Variants in PTPRM observed in about 807,000 individuals in gnomAD.
PTPRM encodes the protein receptor-type tyrosine-protein phosphatase mu.
A neutral mutation model predicts 186.7 loss-of-function variants in PTPRM; 47 were observed. The observed-to-expected ratio is 0.25, with a 90% confidence interval of 0.20 to 0.32. The LOEUF (loss-of-function observed/expected upper bound fraction) is 0.32. Ranked by LOEUF, PTPRM falls within the 10% of genes least tolerant of loss-of-function variation. The pLI, the probability that PTPRM is intolerant of heterozygous loss-of-function variation, is 1.00. For synonymous variants in PTPRM, 668 were observed against 674.9 expected, an observed-to-expected ratio of 0.99 and a Z score of 0.16; for missense variants, 1,494 against 1,865.0, an observed-to-expected ratio of 0.80 and a Z score of 3.66.
chr18:8,183,392 A>G (rs1395988771), intron 14 of PTPRM, among the ~76,000 whole-genome samples: 1 of 152,190 alleles, frequency 6.6e-6, no homozygotes, highest in South Asian at 2.1e-4. Context: ...GGAGAGACAA[A>G]AAAGAGGCAG....
intron 9 of PTPRM, among the ~76,000 whole-genome samples, chr18:8,081,389 A>T (rs1011923813): frequency 6.6e-6 from 1 of 152,208 alleles, no homozygotes; most frequent in African/African-American, 2.4e-5. Flanking sequence ...CTGCTGCAGC[A>T]ACGTTTTTTA....
intron 7 of PTPRM, among the ~76,000 whole-genome samples, chr18:8,045,327 G>A (rs1285046047): frequency 6.6e-6 from 1 of 152,214 alleles, no homozygotes; most frequent in Non-Finnish European, 1.5e-5. Context: ...CAGCCTGAGT[G>A]ACAATGTGAG....
intron 2 of PTPRM, among the ~76,000 whole-genome samples, chr18:7,873,125 G>A (rs751030060): frequency 6.6e-6 from 1 of 152,068 alleles, no homozygotes; most frequent in Non-Finnish European, 1.5e-5. Context: ...AGAAATAATA[G>A]AATTAGTTTT....
intron 23 of PTPRM, among the ~76,000 whole-genome samples, chr18:8,358,244 G>GACATGCAC (rs1555885323): frequency 1.2e-5 from 1 of 82,208 alleles, no homozygotes; most frequent in East Asian, 2.8e-4. Context: ...GTATGCACAT[G>GACATGCAC]ACACGCACAC....
intron 13 of PTPRM, among the ~76,000 whole-genome samples, chr18:8,136,521 A>T (rs1190184352): frequency 6.6e-6 from 1 of 150,764 alleles, no homozygotes; most frequent in Non-Finnish European, 1.5e-5. Flanking sequence ...ACAATCCATT[A>T]TCTCAGTCTT....
chr18:8,327,863 C>T (rs956629381), intron 22 of PTPRM, among the ~76,000 whole-genome samples: 14 of 152,188 alleles, frequency 9.2e-5, no homozygotes, highest in African/African-American at 3.1e-4. Flanking sequence ...TGTCCCCATA[C>T]ATATAATCAG....
Position 8,125,994 on chromosome 18 carries a change from TA to T in PTPRM, c.2167+11168del, listed in dbSNP as rs1568382924. Reference sequence around the variant, plus strand: ...GTGTATACATATATATATATATATATATATATATATATATATATATATATAT... The same window carrying T: ...GTGTATACATATATATATATATATATTATATATATATATATATATATATAT... On this transcript the variant is annotated intron_variant, in intron 13 of 32. Transcript: ENST00000580170. Among the ~76,000 whole-genome samples the T allele has an allele frequency of 5.4e-3, 63 of 11,654 alleles. 5 individuals are homozygous for T. Among genetic ancestry groups the T allele is most frequent in the African/African-American group, 9.8e-3 (61 of 6,254 alleles). 7.6% of individuals were successfully genotyped at this position (11,654 alleles called of 152,430 possible).
intron 11 of PTPRM, among the ~76,000 whole-genome samples, chr18:8,098,234 G>T (rs1351831992): frequency 6.6e-6 from 1 of 152,150 alleles, no homozygotes; most frequent in Non-Finnish European, 1.5e-5. Context: ...TTAATGTTGA[G>T]AGTGAGCATT....
intron 2 of PTPRM, among the ~76,000 whole-genome samples, chr18:7,804,306 C>G (rs1303897400): frequency 6.6e-6 from 1 of 152,096 alleles, no homozygotes. Flanking sequence ...CTCACTAGAC[C>G]ACCTTGAGTT....
chr18:8,345,337 AG>A (rs2095499543), intron 23 of PTPRM, among the ~76,000 whole-genome samples: 1 of 152,212 alleles, frequency 6.6e-6, no homozygotes, highest in Admixed American at 6.5e-5. Flanking sequence ...TTTTGTGAAA[AG>A]GTTAATAACA....
rs67536179 is a variant in PTPRM, at chr18:7,567,805, C to G, written c.-14C>G. 0.25 allele frequency: 380,850 copies of G among 1,532,950 alleles called. 62,890 individuals carry two copies. Among genetic ancestry groups the G allele is most frequent in the East Asian group, 0.7 (25,801 of 37,018 alleles). The allele number at this position is 1,532,950 out of a possible 1,614,324, so 95.0% of individuals were successfully genotyped here. A position where few individuals can be genotyped will look rare whatever the true frequency, so the allele number is the denominator to read the frequency against. On this transcript the variant is annotated 5_prime_UTR_variant, in exon 1 of 33. Transcript: ENST00000580170. The surrounding 1 kb of genome is among the most constrained non-coding windows in gnomAD (Gnocchi z 4.3). ...CACCGCCGCCGGGGAGCGGCCCGGC[C>G]CGCACTCAGCACCATGAGGGGACTT...
chr18:7,960,480 T>TATATATATATATAC (rs1300573371), intron 7 of PTPRM, among the ~76,000 whole-genome samples: 6 of 86,602 alleles, frequency 6.9e-5, no homozygotes, highest in African/African-American at 2.6e-4. Context: ...TATATATATA[T>TATATATATATATAC]ACACACACAC....
At chr18:7,992,401 GCTT>G in intron 7 of PTPRM, among the ~76,000 whole-genome samples, 1 of 152,258 alleles carries the variant, frequency 6.6e-6, no homozygotes, top group South Asian at 2.1e-4. Context: ...TTCACTCAGT[GCTT>G]CTTTGAGGTT....
intron 1 of PTPRM, among the ~76,000 whole-genome samples, chr18:7,659,357 A>G (rs2144364936): frequency 6.6e-6 from 1 of 152,288 alleles, no homozygotes; most frequent in East Asian, 1.9e-4. Context: ...ATAACTATCT[A>G]TTGAATAAGT....
In PTPRM at chr18:7,955,388, C is replaced by T; in HGVS notation, c.1106C>T (p.Ala369Val). Reference protein sequence around the residue: ...GEGGTGSPGPALRTRTKCADP... With the variant: ...GEGGTGSPGPVLRTRTKCADP... ...GGTGGCACTGGCTCTCCTGGTCCAG[C>T]TCTCAGGACAAGAACAAAGTGTGCT... The change falls in exon 7 of 33, where the codon GCT becomes GTT. Residue 369 changes from alanine (A) to valine (V), a missense_variant. This residue lies in a region of PTPRM where 91 missense variants were observed against 169.3 expected (regional missense o/e 0.54). Coordinates refer to ENST00000580170, the MANE Select transcript of PTPRM (RefSeq NM_001105244.2). 6.2e-7 allele frequency: 1 copy of T among 1,613,816 alleles called. No homozygotes were observed. Among genetic ancestry groups the T allele is most frequent in the Non-Finnish European group, 8.5e-7 (1 of 1,179,866 alleles).
chr18:8,283,852 C>A (rs879654383), intron 19 of PTPRM, among the ~76,000 whole-genome samples: 19 of 152,074 alleles, frequency 1.2e-4, no homozygotes, highest in Non-Finnish European at 2.5e-4. Flanking sequence ...TTCTCCTGGC[C>A]TCAAGCAAGG....
rs2147270562 is a variant in PTPRM, at chr18:7,968,359, A to T, written c.1132+12945A>T. Among the ~76,000 whole-genome samples, 2 of 148,056 alleles carry T rather than the reference A, an allele frequency of 1.4e-5. 1 individual carries two copies. The highest frequency in any genetic ancestry group is 4.4e-4 in the South Asian group (2 of 4,528). On this transcript the variant is annotated intron_variant, in intron 7 of 32. Coordinates refer to ENST00000580170, the MANE Select transcript of PTPRM (RefSeq NM_001105244.2). ...ACCAGCCGCTGCGAAATCATGCCAA[A>T]ATGTAAAGACCATTGAGACTAGGAA... is the stretch of plus-strand genomic sequence containing the variant.
At chr18:8,302,310 C>A (rs893394594) in intron 20 of PTPRM, among the ~76,000 whole-genome samples, 3 of 151,958 alleles carry the variant, frequency 2.0e-5, no homozygotes, top group Non-Finnish European at 4.4e-5. Context: ...TGTGAACAGA[C>A]CCTGTCATGC....
At chr18:8,266,075 A>G (rs758761953) in intron 19 of PTPRM, among the ~76,000 whole-genome samples, 67 of 152,084 alleles carry the variant, frequency 4.4e-4, no homozygotes, top group Admixed American at 2.0e-3. Context: ...TGCCCTTCCT[A>G]TCTTTTCTTC....
Sources: gnomAD v4.1 joint callset for allele counts (sites outside exome capture counted in the v4.1 genomes callset) on GRCh38, gnomAD v4.1.1 for gene constraint, gnomAD v4.1.1 regional missense constraint, Gnocchi (gnomAD v3.1) non-coding constraint, MANE v1.5 for transcripts, NCBI Gene and HGNC (gene_info 2026-07-23, HGNC 2026-07-21) for gene names.